FAT3: variants seen among roughly 807,000 people sequenced by gnomAD.
FAT3 encodes the protein FAT atypical cadherin 3.
FAT3 carries 95 observed loss-of-function variants against 310.2 expected under a neutral mutation model. That is an observed-to-expected ratio of 0.31 (90% CI 0.26 to 0.36). The LOEUF (loss-of-function observed/expected upper bound fraction) is 0.36. Among genes scored for constraint, FAT3 ranks in the 10% least tolerant of loss-of-function variants. The pLI, the probability that FAT3 is intolerant of heterozygous loss-of-function variation, is 1.00. For missense variants in FAT3, 5,408 were observed against 5,715.6 expected (o/e 0.95, Z 1.74); for synonymous variants, 2,314 against 2,192.9 (o/e 1.06, Z -1.54).
intron 1 of FAT3, among the ~76,000 whole-genome samples, chr11:92,320,927 T>C (rs1426761585): frequency 1.3e-5 from 2 of 152,112 alleles, no homozygotes; most frequent in Admixed American, 1.3e-4. Flanking sequence ...TTCCCCCTTT[T>C]TTCAGCTAAT....
At chr11:92,793,017 A>C in intron 9 of FAT3, 40 bp downstream of exon 9, 1 of 1,584,826 alleles carries the variant, frequency 6.3e-7, no homozygotes, top group East Asian at 2.3e-5. Context: ...GCATAATGCA[A>C]GGCATTCGAC....
At chr11:92,350,724 A>G (rs990428979) in intron 1 of FAT3, among the ~76,000 whole-genome samples, 1 of 151,334 alleles carries the variant, frequency 6.6e-6, no homozygotes, top group African/African-American at 2.4e-5. Flanking sequence ...TGGGTAAAAT[A>G]GTACCTATTA....
At chr11:92,325,744 G>T (rs1947745775) in intron 1 of FAT3, among the ~76,000 whole-genome samples, 1 of 152,158 alleles carries the variant, frequency 6.6e-6, no homozygotes, top group African/African-American at 2.4e-5. Flanking sequence ...TGATTCTCCT[G>T]CCTCAGTCTG....
intron 2 of FAT3, among the ~76,000 whole-genome samples, chr11:92,479,729 A>C (rs1345067530): frequency 6.6e-6 from 1 of 152,208 alleles, no homozygotes; most frequent in East Asian, 1.9e-4. Flanking sequence ...CATGAGAACC[A>C]GGGGACACTC....
chr11:92,355,507 G>A (rs1948707611), intron 2 of FAT3, 103 bp downstream of exon 2: 2 of 1,205,442 alleles, frequency 1.7e-6, no homozygotes, highest in Admixed American at 2.5e-5. Flanking sequence ...AATGACAAAT[G>A]AGGTTGCATT....
chr11:92,591,330 C>T (rs953178578), intron 3 of FAT3, among the ~76,000 whole-genome samples: 6 of 152,084 alleles, frequency 3.9e-5, no homozygotes, highest in Non-Finnish European at 5.9e-5. Context: ...CACAAATGAG[C>T]TTTCTGCATT....
In FAT3 at chr11:92,621,879, A is replaced by C. The variant is rs1002685769; in HGVS notation, c.3608-75505A>C. 3.3e-5 allele frequency among the ~76,000 whole-genome samples: 5 copies of C among 152,146 alleles called. No homozygotes were observed. In the East Asian group the frequency reaches 9.6e-4, roughly 29 times the overall value. On this transcript the variant is annotated intron_variant, in intron 3 of 27. Coordinates refer to ENST00000525166, the MANE Select transcript of FAT3 (RefSeq NM_001367949.2). ...GAGCCCTTTATCAGAAACCCCTAGG[A>C]TGCGTGTTTAAAAATCAGATTTTGG...
At chr11:92,687,193 G>A (rs570988855) in intron 3 of FAT3, among the ~76,000 whole-genome samples, 3 of 152,142 alleles carry the variant, frequency 2.0e-5, no homozygotes, top group African/African-American at 7.2e-5. Context: ...CTGAGTACAA[G>A]CCACTGTGCC....
At chr11:92,273,280 G>A (rs548447615) in intron 1 of FAT3, among the ~76,000 whole-genome samples, 1 of 152,070 alleles carries the variant, frequency 6.6e-6, no homozygotes, top group African/African-American at 2.4e-5. Flanking sequence ...CAACTTTTGG[G>A]GAAAAGTAAA....
chr11:92,887,874 A>G (rs1255104781), intron 25 of FAT3, among the ~76,000 whole-genome samples: 1 of 152,210 alleles, frequency 6.6e-6, no homozygotes, highest in Non-Finnish European at 1.5e-5. Flanking sequence ...TGCTGGGTAA[A>G]CTAAGAATAA....
At chr11:92,550,770 CTT>C (rs11472875) in intron 3 of FAT3, among the ~76,000 whole-genome samples, 9 of 142,092 alleles carry the variant, frequency 6.3e-5, no homozygotes, top group African/African-American at 2.1e-4. Context: ...CCACATTTAT[CTT>C]TTTTTTTTTT....
chr11:92,646,796 A>C (rs144523962), intron 3 of FAT3, among the ~76,000 whole-genome samples: 1 of 152,230 alleles, frequency 6.6e-6, no homozygotes, highest in South Asian at 2.1e-4. Flanking sequence ...AGTTGTCAAC[A>C]CTGATAACAT....
chr11:92,311,994 A>G (rs997435522), intron 1 of FAT3, among the ~76,000 whole-genome samples: 2 of 147,600 alleles, frequency 1.4e-5, no homozygotes, highest in African/African-American at 5.3e-5. Flanking sequence ...TAAACAAGGA[A>G]AAAAAAAACA....
intron 3 of FAT3, among the ~76,000 whole-genome samples, chr11:92,644,624 G>A (rs1942084087): frequency 1.3e-5 from 2 of 152,054 alleles, no homozygotes; most frequent in East Asian, 1.9e-4. Flanking sequence ...ATGTGATTAC[G>A]TCCCCTTTGC....
chr11:92,491,193 A>G (rs1211701855), intron 2 of FAT3, among the ~76,000 whole-genome samples: 1 of 152,010 alleles, frequency 6.6e-6, no homozygotes, highest in Non-Finnish European at 1.5e-5. Flanking sequence ...AAGATTTAGC[A>G]CTCAAGTACT....
chr11:92,692,229 T>C (rs1688062757), intron 3 of FAT3, among the ~76,000 whole-genome samples: 1 of 152,170 alleles, frequency 6.6e-6, no homozygotes, highest in South Asian at 2.1e-4. Context: ...TTAACACCCA[T>C]GCATTGGAAC....
intron 3 of FAT3, among the ~76,000 whole-genome samples, chr11:92,612,355 G>C (rs1940605029): frequency 6.6e-6 from 1 of 151,714 alleles, no homozygotes; most frequent in African/African-American, 2.4e-5. Context: ...TATCAGTTTT[G>C]CTGGTAGATT....
chr11:92,770,944 C>G (rs148753667), intron 6 of FAT3, among the ~76,000 whole-genome samples: 78 of 152,248 alleles, frequency 5.1e-4, no homozygotes, highest in African/African-American at 1.7e-3. Context: ...TCCATTGTGC[C>G]TCATCTGCTC....
intron 3 of FAT3, among the ~76,000 whole-genome samples, chr11:92,598,230 A>ATATATATT (rs756896313): frequency 2.3e-3 from 304 of 134,418 alleles, no homozygotes; most frequent in African/African-American, 8.1e-3. Flanking sequence ...ATATATATAT[A>ATATATATT]TTTTTTTTTT....
Sources: gnomAD v4.1 joint callset for allele counts (sites outside exome capture counted in the v4.1 genomes callset) on GRCh38, gnomAD v4.1.1 for gene constraint, MANE v1.5 for transcripts, NCBI Gene and HGNC (gene_info 2026-07-23, HGNC 2026-07-21) for gene names.